CTNNA2: variants seen among roughly 807,000 people sequenced by gnomAD.
CTNNA2 encodes the protein catenin alpha-2.
A neutral mutation model predicts 101.0 loss-of-function variants in CTNNA2; 42 were observed. The observed-to-expected ratio is 0.42, with a 90% CI of 0.32 to 0.54. CTNNA2 has a LOEUF of 0.54. CTNNA2 is among the 20% of genes least tolerant of loss of function. CTNNA2 has a pLI of 0.14. For missense variants in CTNNA2, 871 were observed against 1,223.1 expected (o/e 0.71, Z 4.29); for synonymous variants, 450 against 456.4 (o/e 0.99, Z 0.18).
At chr2:80,588,842 C>T (rs936737901) in intron 14 of CTNNA2, among the ~76,000 whole-genome samples, 1 of 152,156 alleles carries the variant, frequency 6.6e-6, no homozygotes, top group Non-Finnish European at 1.5e-5. Flanking sequence ...CATCCTCCCC[C>T]ACTTGGATGC....
At chr2:79,967,033 C>T (rs1274644096) in intron 7 of CTNNA2, among the ~76,000 whole-genome samples, 2 of 152,018 alleles carry the variant, frequency 1.3e-5, no homozygotes, top group Non-Finnish European at 2.9e-5. Context: ...GTAAATTCCT[C>T]CTGTCCATTC....
chr2:80,257,467 C>G (rs1672261968), intron 7 of CTNNA2, among the ~76,000 whole-genome samples: 1 of 151,994 alleles, frequency 6.6e-6, no homozygotes, highest in Admixed American at 6.6e-5. Context: ...ATATAAAGAA[C>G]CCTGTGAATG....
Position 79,920,936 on chromosome 2 carries a change from TC to T in CTNNA2, c.1056+11140del, listed in dbSNP as rs869216057. ...TTCGGCATGAGCTCTTAAGGATGTG[TC>T]TGAGGGCTTGGAGGAGCTGGACCAT... On this transcript the variant is annotated intron_variant, in intron 7 of 18. Transcript: ENST00000402739. Among the ~76,000 whole-genome samples, 6 of 151,732 alleles carry T rather than the reference TC, an allele frequency of 4.0e-5. 1 individual carries two copies. The South Asian group carries it at 1.3e-3, about 32-fold the overall frequency.
intron 7 of CTNNA2, among the ~76,000 whole-genome samples, chr2:80,315,560 C>A (rs1205141177): frequency 2.0e-5 from 3 of 152,144 alleles, no homozygotes; most frequent in Non-Finnish European, 4.4e-5. Context: ...AGTAGGCTAG[C>A]TCTGGTGCAA....
intron 4 of CTNNA2, among the ~76,000 whole-genome samples, chr2:79,374,370 G>T (rs1453263435): frequency 2.0e-5 from 3 of 152,044 alleles, no homozygotes; most frequent in Non-Finnish European, 2.9e-5. Flanking sequence ...ACAATAATGG[G>T]GCGACTTCAT....
At chr2:79,276,620 T>C (rs1402439732) in intron 2 of CTNNA2, among the ~76,000 whole-genome samples, 1 of 152,108 alleles carries the variant, frequency 6.6e-6, no homozygotes, top group East Asian at 1.9e-4. Context: ...CCTATTTTTG[T>C]TTTTTAGTCT....
intron 10 of CTNNA2, among the ~76,000 whole-genome samples, chr2:80,545,366 G>T (rs561241368): frequency 1.4e-4 from 21 of 152,202 alleles, no homozygotes; most frequent in African/African-American, 5.1e-4. Flanking sequence ...GGGCAACATA[G>T]TGAGACTCCA....
intron 7 of CTNNA2, among the ~76,000 whole-genome samples, chr2:80,233,190 T>C (rs1709356041): frequency 6.6e-6 from 1 of 152,138 alleles, no homozygotes; most frequent in Non-Finnish European, 1.5e-5. Context: ...GTATCTTCTT[T>C]AAATTATTGA....
At chr2:79,808,039 A>C (rs1676715442) in intron 3 of CTNNA2, among the ~76,000 whole-genome samples, 1 of 152,210 alleles carries the variant, frequency 6.6e-6, no homozygotes, top group African/African-American at 2.4e-5. Context: ...TCCTTTACAA[A>C]AATTACTTTT....
chr2:80,291,801 T>C lies in CTNNA2; in HGVS notation c.1057-101410T>C, dbSNP rs559988996. 3.3e-5 allele frequency among the ~76,000 whole-genome samples: 5 copies of C among 152,300 alleles called. No individual in the cohort carries two copies. In the South Asian group the frequency reaches 8.3e-4, roughly 25 times the overall value. On this transcript the variant is annotated intron_variant, in intron 7 of 18. Transcript: ENST00000402739. ...GCTGGCTGCTAGCCTTCAGCTCCTA[T>C]GAAAACTGGAAGATGTGTGTGCACA...
intron 7 of CTNNA2, among the ~76,000 whole-genome samples, chr2:79,944,592 G>A (rs752989601): frequency 3.3e-5 from 5 of 151,942 alleles, no homozygotes; most frequent in South Asian, 4.2e-4. Context: ...AGTGTGGAGC[G>A]GGGTGGGGGT....
intron 9 of CTNNA2, among the ~76,000 whole-genome samples, chr2:80,514,949 T>G (rs1262093806): frequency 6.6e-6 from 1 of 152,164 alleles, no homozygotes; most frequent in Admixed American, 6.5e-5. Flanking sequence ...CTTTTTGGCT[T>G]GAAGGTGCGG....
intron 9 of CTNNA2, among the ~76,000 whole-genome samples, chr2:80,534,264 G>A (rs953985467): frequency 4.6e-5 from 7 of 152,102 alleles, no homozygotes; most frequent in African/African-American, 1.4e-4. Flanking sequence ...GTGGGACCAT[G>A]AACAAATTTC....
intron 9 of CTNNA2, among the ~76,000 whole-genome samples, chr2:80,457,469 G>A (rs1300594657): frequency 1.3e-5 from 2 of 152,032 alleles, no homozygotes; most frequent in African/African-American, 4.8e-5. Context: ...AAAGAAAAAT[G>A]TTCATGGAAA....
At chr2:79,691,099 A>T (rs916145340) in intron 2 of CTNNA2, among the ~76,000 whole-genome samples, 1 of 152,014 alleles carries the variant, frequency 6.6e-6, no homozygotes, top group Non-Finnish European at 1.5e-5. Context: ...GGGTAGCTCC[A>T]AATGACTGTT....
chr2:79,804,985 G>A (rs1676457956), intron 3 of CTNNA2, among the ~76,000 whole-genome samples: 1 of 152,028 alleles, frequency 6.6e-6, no homozygotes, highest in African/African-American at 2.4e-5. Flanking sequence ...AAGGAGGGGA[G>A]CGGGGTCACC....
At chr2:80,389,803 T>A (rs548676811) in intron 7 of CTNNA2, among the ~76,000 whole-genome samples, 62 of 152,302 alleles carry the variant, frequency 4.1e-4, no homozygotes, top group African/African-American at 1.5e-3. Context: ...CCAGCCTTCA[T>A]GTACAGTCAC....
chr2:80,591,444 A>G (rs947524040), intron 15 of CTNNA2, among the ~76,000 whole-genome samples: 2 of 78,842 alleles, frequency 2.5e-5, no homozygotes, highest in Non-Finnish European at 6.3e-5. Context: ...TGCTGCCTCC[A>G]TCTGCACAGC....
chr2:80,541,899 T>TTTTTTTGAGACGGAGTCTC (rs1553380179), intron 9 of CTNNA2, among the ~76,000 whole-genome samples: 1 of 147,402 alleles, frequency 6.8e-6, no homozygotes, highest in Non-Finnish European at 1.5e-5. Context: ...AAATGTTTTT[T>TTTTTTTGAGACGGAGTCTC]AATATGGAAA....
Sources: gnomAD v4.1 joint callset for allele counts (sites outside exome capture counted in the v4.1 genomes callset) on GRCh38, gnomAD v4.1.1 for gene constraint, MANE v1.5 for transcripts, NCBI Gene and HGNC (gene_info 2026-07-23, HGNC 2026-07-21) for gene names.